The following NEK7 variants were observed in gnomAD, a reference collection of about 807,000 sequenced individuals.
The protein encoded by NEK7 is serine/threonine-protein kinase Nek7.
NEK7 carries 18 observed loss-of-function variants against 44.6 expected under a neutral mutation model. The observed-to-expected ratio is 0.40, with a 90% CI of 0.28 to 0.60. The LOEUF is 0.60. Ranked by LOEUF, NEK7 falls within the 20% of genes least tolerant of loss-of-function variation. NEK7 has a pLI of 0.38. For synonymous variants in NEK7, 130 were observed against 121.1 expected, an observed-to-expected ratio of 1.07 and a Z score of -0.48; for missense variants, 256 against 366.5, an observed-to-expected ratio of 0.70 and a Z score of 2.46.
intron 2 of NEK7, among the ~76,000 whole-genome samples, chr1:198,246,378 A>G (rs1666835573): frequency 6.6e-6 from 1 of 152,184 alleles, no homozygotes; most frequent in Non-Finnish European, 1.5e-5. Context: ...AAGAAAGGCC[A>G]TGGGGGGAAA....
intron 1 of NEK7, among the ~76,000 whole-genome samples, chr1:198,176,539 T>C (rs941323771): frequency 3.3e-5 from 5 of 152,078 alleles, no homozygotes; most frequent in Non-Finnish European, 7.4e-5. Context: ...GTTTTATTCA[T>C]TAAAGAGTTT....
At chr1:198,226,612 C>A (rs1055410604) in intron 1 of NEK7, among the ~76,000 whole-genome samples, 3 of 151,202 alleles carry the variant, frequency 2.0e-5, no homozygotes, top group East Asian at 1.9e-4. Context: ...TTTTATTCAT[C>A]GTACTTACTG....
chr1:198,295,486 C>G (rs1364309660), intron 8 of NEK7, among the ~76,000 whole-genome samples: 2 of 151,898 alleles, frequency 1.3e-5, no homozygotes, highest in East Asian at 1.9e-4. Flanking sequence ...GGGGCAGCAT[C>G]GAGATGCACT....
chr1:198,204,043 G>A (rs925858789), intron 1 of NEK7, among the ~76,000 whole-genome samples: 3 of 152,040 alleles, frequency 2.0e-5, no homozygotes, highest in South Asian at 4.1e-4. Context: ...GATGACTTGA[G>A]GCCAGGATTT....
In NEK7 at chr1:198,264,218, C is replaced by T; in HGVS notation, c.355C>T (p.Leu119=). ...TTTGGAACTAGCAGATGCTGGCGAC[C>T]TATCCAGAATGATCAAGGTAAGTTT... is the stretch of plus-strand genomic sequence containing the variant. The part of the protein sequence containing the change: ...IVLELADAGD[L]SRMIKHFKKQ... The change falls in exon 5 of 10, where the codon CTA becomes TTA. Residue 119 remains leucine (L), a synonymous_variant. Transcript: ENST00000367385. The T allele has an allele frequency of 6.2e-7, 1 of 1,600,070 alleles. No homozygotes were observed. Among genetic ancestry groups the T allele is most frequent in the East Asian group, 2.3e-5 (1 of 44,122 alleles).
chr1:198,318,322 A>C (rs909029429), intron 9 of NEK7, among the ~76,000 whole-genome samples: 1 of 152,140 alleles, frequency 6.6e-6, no homozygotes, highest in South Asian at 2.1e-4. Flanking sequence ...CTGACCCTTC[A>C]TCTGGCAGAC....
chr1:198,271,510 A>G (rs1021512543), intron 5 of NEK7, among the ~76,000 whole-genome samples: 2 of 152,044 alleles, frequency 1.3e-5, no homozygotes, highest in East Asian at 3.9e-4. Context: ...TTGCAGACAC[A>G]TCTTTATTTG....
intron 1 of NEK7, among the ~76,000 whole-genome samples, chr1:198,216,616 A>C (rs1665929193): frequency 6.6e-6 from 1 of 151,774 alleles, no homozygotes; most frequent in East Asian, 1.9e-4. Context: ...CAAACAAACA[A>C]GCAGAAGTAC....
At chr1:198,209,867 A>C (rs1665713051) in intron 1 of NEK7, among the ~76,000 whole-genome samples, 1 of 152,058 alleles carries the variant, frequency 6.6e-6, no homozygotes, top group Admixed American at 6.5e-5. Context: ...CCCAGGTTGG[A>C]GTGCAGGGGC....
At chr1:198,272,847 G>C (rs1251592544) in intron 5 of NEK7, among the ~76,000 whole-genome samples, 2 of 151,696 alleles carry the variant, frequency 1.3e-5, no homozygotes, top group African/African-American at 2.4e-5. Context: ...CCTTGATATT[G>C]ATGTACCAGT....
Position 198,279,361 on chromosome 1 carries a change from A to G in NEK7, c.589+300A>G, listed in dbSNP as rs538375586. On this transcript the variant is annotated intron_variant, in intron 7 of 9. Coordinates refer to ENST00000367385, the MANE Select transcript of NEK7 (RefSeq NM_133494.3). ...TATTGTACATTTAATAATAGATAAT[A>G]TGGTGATTAAGCTGTCTCTTGGAAG... is the stretch of plus-strand genomic sequence containing the variant. Among the ~76,000 whole-genome samples the G allele has an allele frequency of 9.5e-4, 145 of 152,100 alleles. 2 individuals are homozygous for G. Among genetic ancestry groups the G allele is most frequent in the Middle Eastern group, 3.4e-3 (1 of 294 alleles).
chr1:198,174,761 TG>T (rs1190973963), intron 1 of NEK7, among the ~76,000 whole-genome samples: 1 of 151,754 alleles, frequency 6.6e-6, no homozygotes, highest in East Asian at 1.9e-4. Context: ...TGTTTTTTGT[TG>T]TTTTTTTTGG....
intron 1 of NEK7, among the ~76,000 whole-genome samples, chr1:198,183,032 G>T (rs1479052934): frequency 1.3e-5 from 2 of 152,160 alleles, no homozygotes; most frequent in Non-Finnish European, 2.9e-5. Context: ...TGTGGTAGGT[G>T]AAATTATAAT....
At chr1:198,216,013 A>T (rs1271448962) in intron 1 of NEK7, among the ~76,000 whole-genome samples, 1 of 152,102 alleles carries the variant, frequency 6.6e-6, no homozygotes, top group Non-Finnish European at 1.5e-5. Context: ...CAGAAATTTA[A>T]CAAAGAAACA....
At chr1:198,261,830 C>T (rs767472119) in intron 3 of NEK7, among the ~76,000 whole-genome samples, 2 of 151,208 alleles carry the variant, frequency 1.3e-5, no homozygotes, top group East Asian at 3.9e-4. Context: ...CTTCATTATC[C>T]TCCCCCCAAG....
rs998024216 is a variant in NEK7, at chr1:198,197,232, T to C, written c.-28-35321T>C. Reference sequence around the variant, plus strand: ...TTTACTGTATAATATTGCAGTTTCATTAGTTTCTTGACAGTTAACATTTCT... The same window carrying C: ...TTTACTGTATAATATTGCAGTTTCACTAGTTTCTTGACAGTTAACATTTCT... On this transcript the variant is annotated intron_variant, in intron 1 of 9. Transcript: ENST00000367385. Among the ~76,000 whole-genome samples the C allele has an allele frequency of 6.9e-4, 105 of 152,360 alleles. 1 individual carries two copies. Among genetic ancestry groups the C allele is most frequent in the African/African-American group, 2.4e-3 (99 of 41,580 alleles).
chr1:198,289,391 A>G (rs923998494), intron 7 of NEK7, among the ~76,000 whole-genome samples: 2 of 151,998 alleles, frequency 1.3e-5, no homozygotes, highest in African/African-American at 4.8e-5. Flanking sequence ...TGTTTTCCAG[A>G]TGGATTTTTG....
intron 1 of NEK7, among the ~76,000 whole-genome samples, chr1:198,182,165 A>AT (rs1664788179): frequency 6.6e-6 from 1 of 152,080 alleles, no homozygotes. Context: ...TGTAATGAAT[A>AT]TTTTTTACTT....
At chr1:198,273,890 T>A (rs1653931801) in intron 5 of NEK7, among the ~76,000 whole-genome samples, 1 of 151,658 alleles carries the variant, frequency 6.6e-6, no homozygotes, top group Admixed American at 6.6e-5. Context: ...GGTGGAGACG[T>A]CATAGATCAT....
Sources: allele counts gnomAD v4.1 joint callset (sites outside exome capture counted in the v4.1 genomes callset), GRCh38; gene constraint gnomAD v4.1.1; transcripts MANE v1.5; gene names NCBI Gene and HGNC (gene_info 2026-07-23, HGNC 2026-07-21).